WWOX: variants seen among roughly 807,000 people sequenced by gnomAD.
The protein encoded by WWOX is WW domain-containing oxidoreductase.
WWOX carries 69 observed loss-of-function variants against 46.2 expected under a neutral mutation model. The observed-to-expected ratio is 1.49, with a 90% CI of 1.23 to 1.82. The LOEUF (loss-of-function observed/expected upper bound fraction) is 1.82, where lower values mean the gene tolerates loss of function less well. Ranked by LOEUF, WWOX falls within the 40% of genes most tolerant of loss-of-function variation. The pLI is 0.00. For synonymous variants in WWOX, 359 were observed against 202.6 expected (o/e 1.77, Z -6.56); for missense variants, 919 against 542.6 (o/e 1.69, Z -6.89).
chr16:78,384,269 G>T (rs981358859), intron 5 of WWOX, among the ~76,000 whole-genome samples: 1 of 152,116 alleles, frequency 6.6e-6, no homozygotes, highest in Non-Finnish European at 1.5e-5. Flanking sequence ...GTAAGATTCT[G>T]CACGTGGCAG....
intron 6 of WWOX, among the ~76,000 whole-genome samples, chr16:78,403,180 T>G (rs2082452500): frequency 1.3e-5 from 2 of 152,216 alleles, no homozygotes; most frequent in Admixed American, 1.3e-4. Flanking sequence ...ACCACGTGCT[T>G]AAGCACATTC....
chr16:78,664,837 A>C (rs2047293944), intron 8 of WWOX, among the ~76,000 whole-genome samples: 1 of 152,232 alleles, frequency 6.6e-6, no homozygotes, highest in African/African-American at 2.4e-5. Context: ...AGGCAACAAG[A>C]GTCCAATTCT....
At chr16:78,431,987 A>G (rs545009930) in intron 7 of WWOX, among the ~76,000 whole-genome samples, 5 of 152,274 alleles carry the variant, frequency 3.3e-5, no homozygotes, top group African/African-American at 9.6e-5. Context: ...AAGTGCTGGG[A>G]TTAGAGGCAT....
At chr16:78,785,502 A>G (rs2050434089) in intron 8 of WWOX, among the ~76,000 whole-genome samples, 1 of 152,226 alleles carries the variant, frequency 6.6e-6, no homozygotes, top group African/African-American at 2.4e-5. Context: ...ACATGTACAC[A>G]CACAGCTTAT....
intron 8 of WWOX, among the ~76,000 whole-genome samples, chr16:78,519,420 G>A (rs1039814227): frequency 5.3e-5 from 8 of 151,616 alleles, no homozygotes; most frequent in African/African-American, 1.9e-4. Flanking sequence ...TTCCATGGAA[G>A]GTAAAACATG....
At chr16:78,940,112 G>A (rs796558435) in intron 8 of WWOX, among the ~76,000 whole-genome samples, 12 of 152,214 alleles carry the variant, frequency 7.9e-5, no homozygotes, top group African/African-American at 2.6e-4. Flanking sequence ...TTGGGCCAGG[G>A]TCTTCCGAGA....
At chr16:79,044,924 A>G (rs73570812) in intron 8 of WWOX, among the ~76,000 whole-genome samples, 4,233 of 152,278 alleles carry the variant, frequency 0.028, 189 homozygotes, top group African/African-American at 0.097. Context: ...TGCTCATTTC[A>G]TAGAGTTGCT....
Position 78,668,435 on chromosome 16 carries a change from G to A in WWOX, c.1056+235683G>A, listed in dbSNP as rs72794801. The stretch of plus-strand genomic sequence containing the variant: ...AAGGTAACCAGGAATGACATTCCAA[G>A]ATTCCATTCTTTCCTTTGTATATCC... On this transcript the variant is annotated intron_variant, in intron 8 of 8. Transcript: ENST00000566780. Among the ~76,000 whole-genome samples the A allele has an allele frequency of 6.2e-3, 949 of 152,308 alleles. 14 individuals carry two copies. The highest frequency in any genetic ancestry group is 0.021 in the African/African-American group (875 of 41,572).
At chr16:78,676,390 C>G (rs1363120159) in intron 8 of WWOX, among the ~76,000 whole-genome samples, 2 of 148,986 alleles carry the variant, frequency 1.3e-5, no homozygotes, top group East Asian at 3.9e-4. Flanking sequence ...ATTAACAGCC[C>G]TCCATATTTA....
intron 8 of WWOX, among the ~76,000 whole-genome samples, chr16:78,962,904 T>C (rs757519883): frequency 2.6e-5 from 4 of 152,230 alleles, no homozygotes; most frequent in Non-Finnish European, 2.9e-5. Context: ...ACGCATTCTT[T>C]GCTGTCTTGC....
intron 8 of WWOX, among the ~76,000 whole-genome samples, chr16:78,790,369 A>C (rs955568024): frequency 6.6e-6 from 1 of 152,098 alleles, no homozygotes; most frequent in Non-Finnish European, 1.5e-5. Context: ...TCCTGACATC[A>C]AGTGATTTGC....
At chr16:78,841,259 G>C (rs112784525) in intron 8 of WWOX, among the ~76,000 whole-genome samples, 3,955 of 152,232 alleles carry the variant, frequency 0.026, 177 homozygotes, top group African/African-American at 0.09. Context: ...ATACCATCTT[G>C]AAACATCATG....
At chr16:78,872,197 G>A (rs1274397095) in intron 8 of WWOX, among the ~76,000 whole-genome samples, 1 of 152,186 alleles carries the variant, frequency 6.6e-6, no homozygotes, top group Admixed American at 6.5e-5. Context: ...CATAGAACCA[G>A]GCTGCCTGGA....
At chr16:78,596,726 G>A (rs188130533) in intron 8 of WWOX, among the ~76,000 whole-genome samples, 39 of 152,292 alleles carry the variant, frequency 2.6e-4, no homozygotes, top group African/African-American at 7.9e-4. Context: ...GAAAGTAAGC[G>A]AAGCCCTTTC....
intron 5 of WWOX, among the ~76,000 whole-genome samples, chr16:78,357,810 C>T (rs967946176): frequency 1.3e-5 from 2 of 152,136 alleles, no homozygotes; most frequent in East Asian, 3.9e-4. Context: ...TCACCCGATC[C>T]CTGGGAGTTT....
At chr16:79,073,698 G>C (rs190807719) in intron 8 of WWOX, among the ~76,000 whole-genome samples, 1 of 152,256 alleles carries the variant, frequency 6.6e-6, no homozygotes, top group Admixed American at 6.5e-5. Flanking sequence ...TTTGCAGCTA[G>C]AGTGATCCTT....
At chr16:78,143,505 A>G (rs547188114) in intron 4 of WWOX, among the ~76,000 whole-genome samples, 2 of 152,330 alleles carry the variant, frequency 1.3e-5, no homozygotes, top group African/African-American at 4.8e-5. Context: ...CATCGTTTAC[A>G]TATCGCCCAT....
rs191682732 is a variant in WWOX, at chr16:78,160,474, C to A, written c.410-3709C>A. On this transcript the variant is annotated intron_variant, in intron 4 of 8. Transcript: ENST00000566780. Reference sequence around the variant, plus strand: ...GCTATAGATTTTCTTTTAACCATGGCTTTAGCTATACTCCTTAAGTTTGTA... The same window carrying A: ...GCTATAGATTTTCTTTTAACCATGGATTTAGCTATACTCCTTAAGTTTGTA... Among the ~76,000 whole-genome samples the A allele has an allele frequency of 6.9e-4, 105 of 152,218 alleles. No homozygotes were observed. In the East Asian group the frequency reaches 0.013, roughly 18 times the overall value.
At position 78,799,901 on chromosome 16, in the gene WWOX, A is replaced by G. The variant is rs138796111; in HGVS notation, c.1056+367149A>G. Among the ~76,000 whole-genome samples, 287 of 152,288 alleles carry G rather than the reference A, an allele frequency of 1.9e-3. 2 individuals carry two copies. The highest frequency in any genetic ancestry group is 6.3e-3 in the African/African-American group (261 of 41,566). On this transcript the variant is annotated intron_variant, in intron 8 of 8. Transcript: ENST00000566780. ...TAGCTTTAGAAAAATTTCTATGTGAATGACTACTTTTCCCTGAAATACGTC... is the reference window on the plus strand; with the variant it reads ...TAGCTTTAGAAAAATTTCTATGTGAGTGACTACTTTTCCCTGAAATACGTC...
Sources: allele counts gnomAD v4.1 joint callset (sites outside exome capture counted in the v4.1 genomes callset), GRCh38; gene constraint gnomAD v4.1.1; transcripts MANE v1.5; gene names NCBI Gene and HGNC (gene_info 2026-07-23, HGNC 2026-07-21).